The following MFSD6 variants were observed in gnomAD, a reference collection of about 807,000 sequenced individuals.
MFSD6 encodes major facilitator superfamily domain containing 6, also known as major facilitator superfamily domain-containing protein 6.
In MFSD6, 26 loss-of-function variants were observed where a neutral mutation model predicts 56.3. The observed-to-expected ratio is 0.46, with a 90% CI of 0.34 to 0.64. The LOEUF (loss-of-function observed/expected upper bound fraction) is 0.64, where lower values mean the gene tolerates loss of function less well. Ranked by LOEUF, MFSD6 falls within the 30% of genes least tolerant of loss-of-function variation. MFSD6 has a pLI of 0.01. For missense variants in MFSD6, 750 were observed against 986.2 expected (o/e 0.76, Z 3.21); for synonymous variants, 331 against 366.9 (o/e 0.90, Z 1.12).
chr2:190,427,082 G>A (rs1685805772), intron 2 of MFSD6, among the ~76,000 whole-genome samples: 1 of 152,216 alleles, frequency 6.6e-6, no homozygotes, highest in African/African-American at 2.4e-5. Context: ...CCTCCTTACT[G>A]CTGGCCAGTG....
In MFSD6 at chr2:190,494,287, C is replaced by T. The variant is rs970389225; in HGVS notation, c.1892-3152C>T. The stretch of plus-strand genomic sequence containing the variant: ...TAAATTCCTTGAAAGACACAACCCT[C>T]CTAGCTTAAATCAGGAAGAATTAGA... On this transcript the variant is annotated intron_variant, in intron 6 of 7. Transcript: ENST00000392328. The surrounding 1 kb of genome is among the most constrained non-coding windows in gnomAD (Gnocchi z 5.7). Among the ~76,000 whole-genome samples the T allele has an allele frequency of 7.2e-5, 11 of 152,058 alleles. No individual in the cohort carries two copies. The highest frequency in any genetic ancestry group is 2.7e-4 in the African/African-American group (11 of 41,430).
At position 190,412,403 on chromosome 2, in the gene MFSD6, C is replaced by G; in HGVS notation, c.-175-2889C>G. ...TATGTTTTAGGCAGAAGGAAATCTC[C>G]ATCTTTTAATTTAGGAAACTTTGTT... is the stretch of plus-strand genomic sequence containing the variant. On this transcript the variant is annotated intron_variant, in intron 1 of 7. Coordinates refer to ENST00000392328, the MANE Select transcript of MFSD6 (RefSeq NM_017694.4). The surrounding 1 kb of genome is among the most constrained non-coding windows in gnomAD (Gnocchi z 4.1). The G allele has an allele frequency of 7.1e-6, 7 of 984,984 alleles. No homozygotes were observed. Among genetic ancestry groups the G allele is most frequent in the Non-Finnish European group, 8.4e-6 (7 of 829,630 alleles). 61.0% of individuals were successfully genotyped at this position (984,984 alleles called of 1,614,324 possible).
Position 190,464,964 on chromosome 2 carries a change from A to G in MFSD6, c.1533-4794A>G, listed in dbSNP as rs1420138763. The G allele has an allele frequency of 2.0e-5, 19 of 943,222 alleles. No homozygotes were observed. In the East Asian group the frequency reaches 1.0e-3, roughly 52 times the overall value. The allele number at this position is 943,222 out of a possible 1,614,324, so 58.4% of individuals were successfully genotyped here. On this transcript the variant is annotated intron_variant, in intron 3 of 7. Transcript: ENST00000392328. ...TATAGTTGGTTAAATTTAGAAAAGT[A>G]GGGTCTCACAACTAACTACACTGTT...
At chr2:190,477,339 A>G (rs571936670) in intron 4 of MFSD6, 3 of 984,540 alleles carry the variant, frequency 3.0e-6, no homozygotes, top group African/African-American at 1.7e-5. Flanking sequence ...TGCTTTATTT[A>G]TTGGTATGCT....
rs994217332 is a variant in MFSD6 at position 190,430,503 on chromosome 2, A to C, written c.-53-5474A>C. ...CCTGAGTGGACACAGCACATGTTTC[A>C]GAGAGCACAGGGTTGGGGGTAAGGT... is the stretch of plus-strand genomic sequence containing the variant. On this transcript the variant is annotated intron_variant, in intron 2 of 7. Coordinates refer to ENST00000392328, the MANE Select transcript of MFSD6 (RefSeq NM_017694.4). Among the ~76,000 whole-genome samples the C allele has an allele frequency of 7.9e-5, 12 of 151,906 alleles. 1 individual carries two copies. Among genetic ancestry groups the C allele is most frequent in the African/African-American group, 2.7e-4 (11 of 41,414 alleles).
In MFSD6 at chr2:190,413,379, G is replaced by C. The variant is rs904695982; in HGVS notation, c.-175-1913G>C. Among the ~76,000 whole-genome samples, 2 of 152,180 alleles carry C rather than the reference G, an allele frequency of 1.3e-5. No homozygotes were observed. The highest frequency in any genetic ancestry group is 4.8e-5 in the African/African-American group (2 of 41,438). ...GAGATGTGGAAAAAAATTGAATTAAGGGGGGCAGAGATGTCTTTCTTTGAC... is the reference window on the plus strand; with the variant it reads ...GAGATGTGGAAAAAAATTGAATTAACGGGGGCAGAGATGTCTTTCTTTGAC... On this transcript the variant is annotated intron_variant, in intron 1 of 7. Coordinates refer to ENST00000392328, the MANE Select transcript of MFSD6 (RefSeq NM_017694.4). The surrounding 1 kb of genome is among the most constrained non-coding windows in gnomAD (Gnocchi z 4.1).
rs1261195425 is a variant in MFSD6 at position 190,412,429 on chromosome 2, C to T, written c.-175-2863C>T. On this transcript the variant is annotated intron_variant, in intron 1 of 7. Coordinates refer to ENST00000392328, the MANE Select transcript of MFSD6 (RefSeq NM_017694.4). This position sits in a 1 kb window ranked among gnomAD's most constrained non-coding sequence, Gnocchi z 4.1. ...ATCTTTTAATTTAGGAAACTTTGTTCAATAGGTTATCTTTAAAGGCAGAAA... is the reference window on the plus strand; with the variant it reads ...ATCTTTTAATTTAGGAAACTTTGTTTAATAGGTTATCTTTAAAGGCAGAAA... 1 of 985,124 alleles carries T rather than the reference C, an allele frequency of 1.0e-6. No individual in the cohort carries two copies. The highest frequency in any genetic ancestry group is 1.2e-6 in the Non-Finnish European group (1 of 829,852). The allele number at this position is 985,124 out of a possible 1,614,324, so 61.0% of individuals were successfully genotyped here.
At chr2:190,486,403 A>C (rs925588902) in intron 4 of MFSD6, among the ~76,000 whole-genome samples, 3 of 152,220 alleles carry the variant, frequency 2.0e-5, no homozygotes, top group African/African-American at 2.4e-5. Context: ...TCTCCCTATG[A>C]TGCTATCTCC....
At position 190,465,011 on chromosome 2, in the gene MFSD6, A is replaced by C. The variant is rs1271336752; in HGVS notation, c.1533-4747A>C. The C allele has an allele frequency of 3.1e-6, 2 of 642,268 alleles. No homozygotes were observed. Among genetic ancestry groups the C allele is most frequent in the Non-Finnish European group, 3.9e-6 (2 of 515,426 alleles). 39.8% of individuals were successfully genotyped at this position (642,268 alleles called of 1,614,324 possible). Reference sequence around the variant, plus strand: ...TGTTAGGAATTACAGAATGACTCATAATTCATTGTATCTATATCTTGAACA... The same window carrying C: ...TGTTAGGAATTACAGAATGACTCATCATTCATTGTATCTATATCTTGAACA... On this transcript the variant is annotated intron_variant, in intron 3 of 7. Transcript: ENST00000392328. This position sits in a 1 kb window ranked among gnomAD's most constrained non-coding sequence, Gnocchi z 4.6.
In MFSD6 at chr2:190,443,713, G is replaced by A. The variant is rs531586787; in HGVS notation, c.1532+6152G>A. 6.6e-6 allele frequency among the ~76,000 whole-genome samples: 1 copy of A among 152,274 alleles called. No homozygotes were observed. Among genetic ancestry groups the A allele is most frequent in the African/African-American group, 2.4e-5 (1 of 41,546 alleles). On this transcript the variant is annotated intron_variant, in intron 3 of 7. Coordinates refer to ENST00000392328, the MANE Select transcript of MFSD6 (RefSeq NM_017694.4). This position sits in a 1 kb window ranked among gnomAD's most constrained non-coding sequence, Gnocchi z 4.2. ...AAATTGGAAGTGCACTCCTGATACA[G>A]CCTTTATATAATAGAATCTTTTGCT... is the stretch of plus-strand genomic sequence containing the variant.
Position 190,426,335 on chromosome 2 carries a change from A to T in MFSD6, c.-53-9642A>T, listed in dbSNP as rs566420501. Among the ~76,000 whole-genome samples the T allele has an allele frequency of 2.6e-5, 4 of 152,178 alleles. No individual in the cohort carries two copies. The South Asian group carries it at 8.3e-4, about 32-fold the overall frequency. The stretch of plus-strand genomic sequence containing the variant: ...CCCTTTATTCTGCTTTATTAAGTGT[A>T]TCCATTAAGATTTATTTTTGTGGTT... On this transcript the variant is annotated intron_variant, in intron 2 of 7. Coordinates refer to ENST00000392328, the MANE Select transcript of MFSD6 (RefSeq NM_017694.4). This position sits in a 1 kb window ranked among gnomAD's most constrained non-coding sequence, Gnocchi z 4.7.
chr2:190,497,260 T>C lies in MFSD6; in HGVS notation c.1892-179T>C, dbSNP rs1448565384. 1.3e-5 allele frequency among the ~76,000 whole-genome samples: 2 copies of C among 152,178 alleles called. No individual in the cohort carries two copies. Among genetic ancestry groups the C allele is most frequent in the African/African-American group, 2.4e-5 (1 of 41,430 alleles). On this transcript the variant is annotated intron_variant, in intron 6 of 7. Transcript: ENST00000392328. The surrounding 1 kb of genome is among the most constrained non-coding windows in gnomAD (Gnocchi z 5.2). Reference sequence around the variant, plus strand: ...TAAAGAGACCCAAAGATAAACATCATGTTCATTGATTCAGTACTTACACCA... The same window carrying C: ...TAAAGAGACCCAAAGATAAACATCACGTTCATTGATTCAGTACTTACACCA...
At chr2:190,411,044 G>T (rs1690539550) in intron 1 of MFSD6, 3 of 888,322 alleles carry the variant, frequency 3.4e-6, no homozygotes, top group Non-Finnish European at 4.0e-6. Flanking sequence ...AACAGAGCGA[G>T]ACTCTATCTC....
At chr2:190,460,187 CTG>C (rs369933575) in intron 3 of MFSD6, among the ~76,000 whole-genome samples, 1 of 152,316 alleles carries the variant, frequency 6.6e-6, no homozygotes, top group Non-Finnish European at 1.5e-5. Context: ...AATAAACAAA[CTG>C]TAATCAGCTA....
rs2125284264 is a variant in MFSD6, at chr2:190,500,756, TTAAAAG to T, written c.*540_*545del. 1 of 152,914 alleles carries T rather than the reference TTAAAAG, an allele frequency of 6.5e-6. No individual in the cohort carries two copies. The highest frequency in any genetic ancestry group is 1.5e-5 in the Non-Finnish European group (1 of 68,584). 9.5% of individuals were successfully genotyped at this position (152,914 alleles called of 1,614,324 possible). A position where few individuals can be genotyped will look rare whatever the true frequency, so the allele number is the denominator to read the frequency against. On this transcript the variant is annotated 3_prime_UTR_variant, in exon 8 of 8. Transcript: ENST00000392328. This position sits in a 1 kb window ranked among gnomAD's most constrained non-coding sequence, Gnocchi z 5.3. Reference sequence around the variant, plus strand: ...ACATGTGCTTTTGTTAAAAATAAAGTTAAAAGTTAAAGTTAAAAAATGAAGTTAAAA... The same window carrying T: ...ACATGTGCTTTTGTTAAAAATAAAGTTTAAAGTTAAAAAATGAAGTTAAAA...
At chr2:190,411,284 C>T (rs896819275) in intron 1 of MFSD6, 5 of 441,852 alleles carry the variant, frequency 1.1e-5, no homozygotes, top group South Asian at 9.5e-5. Flanking sequence ...CTCAGCCTCC[C>T]GAGTAGCTGG....
At chr2:190,430,557 GA>G (rs1432154279) in intron 2 of MFSD6, among the ~76,000 whole-genome samples, 3 of 151,820 alleles carry the variant, frequency 2.0e-5, no homozygotes, top group Non-Finnish European at 4.4e-5. Context: ...CAAGGCAGAA[GA>G]ATTTTTCTTA....
At position 190,463,794 on chromosome 2, in the gene MFSD6, T is replaced by G; in HGVS notation, c.1533-5964T>G. The G allele has an allele frequency of 1.2e-6, 1 of 834,052 alleles. No homozygotes were observed. The highest frequency in any genetic ancestry group is 1.8e-5 in the African/African-American group (1 of 54,236). 51.7% of individuals were successfully genotyped at this position (834,052 alleles called of 1,614,324 possible). A position where few individuals can be genotyped will look rare whatever the true frequency, so the allele number is the denominator to read the frequency against. On this transcript the variant is annotated intron_variant, in intron 3 of 7. Transcript: ENST00000392328. The surrounding 1 kb of genome is among the most constrained non-coding windows in gnomAD (Gnocchi z 4.4). Reference sequence around the variant, plus strand: ...GTGATGACGCTACTGCACTCCAGCCTGGGTAACAGAGCAAGACCCTGTCTC... The same window carrying G: ...GTGATGACGCTACTGCACTCCAGCCGGGGTAACAGAGCAAGACCCTGTCTC...
chr2:190,474,182 A>C (rs1297250308), intron 4 of MFSD6, among the ~76,000 whole-genome samples: 1 of 152,172 alleles, frequency 6.6e-6, no homozygotes, highest in Non-Finnish European at 1.5e-5. Context: ...AAACACATTC[A>C]AAAGCTAGCA....
Sources: gnomAD v4.1 joint callset for allele counts (sites outside exome capture counted in the v4.1 genomes callset) on GRCh38, gnomAD v4.1.1 for gene constraint, Gnocchi (gnomAD v3.1) non-coding constraint, MANE v1.5 for transcripts, NCBI Gene and HGNC (gene_info 2026-07-23, HGNC 2026-07-21) for gene names.